Variants in SLC38A6 observed in about 807,000 individuals in gnomAD.
The protein encoded by SLC38A6 is solute carrier family 38 member 6, also known as N system amino acid transporter NAT-1.
In SLC38A6, 73 loss-of-function variants were observed where a neutral mutation model predicts 65.0. The observed-to-expected ratio is 1.12, with a 90% CI of 0.93 to 1.37. SLC38A6 has a LOEUF of 1.37. SLC38A6 is among the 40% of genes most tolerant of loss of function. The pLI is 0.00. For missense variants in SLC38A6, 561 were observed against 531.1 expected (o/e 1.06, Z -0.55); for synonymous variants, 183 against 178.8 (o/e 1.02, Z -0.19).
intron 7 of SLC38A6, 98 bp from the exon 8 acceptor site, chr14:61,037,527 C>A: frequency 1.3e-6 from 1 of 791,870 alleles, no homozygotes; most frequent in Non-Finnish European, 2.0e-6. Flanking sequence ...CAGATACCAA[C>A]CACTATAATA....
chr14:60,996,076 T>G (rs1267546758), intron 3 of SLC38A6, among the ~76,000 whole-genome samples: 1 of 152,230 alleles, frequency 6.6e-6, no homozygotes, highest in Non-Finnish European at 1.5e-5. Context: ...GTAACAAATG[T>G]ACCACTCTGG....
chr14:60,992,461 C>T (rs755293282), intron 3 of SLC38A6, among the ~76,000 whole-genome samples: 5 of 151,888 alleles, frequency 3.3e-5, no homozygotes, highest in African/African-American at 2.4e-5. Flanking sequence ...GTGTAGATCA[C>T]GCCATAACCC....
intron 15 of SLC38A6, among the ~76,000 whole-genome samples, chr14:61,063,857 A>G (rs1480354723): frequency 6.6e-6 from 1 of 152,220 alleles, no homozygotes; most frequent in Non-Finnish European, 1.5e-5. Context: ...GTTAATGCCT[A>G]TTATACAGGG....
At chr14:61,004,267 T>G (rs2038920546) in intron 3 of SLC38A6, among the ~76,000 whole-genome samples, 1 of 152,186 alleles carries the variant, frequency 6.6e-6, no homozygotes, top group South Asian at 2.1e-4. Context: ...TTCATTTTGT[T>G]GCATAAAAAT....
chr14:61,073,251 T>A (rs1289059942), intron 15 of SLC38A6, among the ~76,000 whole-genome samples: 2 of 152,222 alleles, frequency 1.3e-5, no homozygotes, highest in Non-Finnish European at 2.9e-5. Flanking sequence ...CCAATGGAGT[T>A]GTTTGAGTTC....
In SLC38A6 at chr14:60,982,552, A is replaced by C; in HGVS notation, c.150A>C (p.Ser50=). ...QRSPGVSFGL[S]VFNLMNAIMG... ...CCCCAGGTGTTTCATTTGGTTTATC[A>C]GTGTTTAATTTGATGAATGCCATCA... Residue 50 remains serine, a synonymous_variant, in exon 2 of 16, where the codon TCA becomes TCC. Coordinates refer to ENST00000267488, the MANE Select transcript of SLC38A6 (RefSeq NM_153811.3). 1 of 1,614,006 alleles carries C rather than the reference A, an allele frequency of 6.2e-7. No homozygotes were observed. Among genetic ancestry groups the C allele is most frequent in the South Asian group, 1.1e-5 (1 of 91,040 alleles).
intron 4 of SLC38A6, among the ~76,000 whole-genome samples, chr14:61,018,804 G>A (rs920732540): frequency 2.0e-5 from 3 of 152,048 alleles, no homozygotes; most frequent in African/African-American, 4.8e-5. Flanking sequence ...TACCAACTAA[G>A]CATCATTAAA....
chr14:61,004,261 T>C (rs1210096070), intron 3 of SLC38A6, among the ~76,000 whole-genome samples: 1 of 152,174 alleles, frequency 6.6e-6, no homozygotes, highest in African/African-American at 2.4e-5. Flanking sequence ...CTATACTTCA[T>C]TTTGTTGCAT....
chr14:61,018,548 G>A (rs913869694), intron 4 of SLC38A6, among the ~76,000 whole-genome samples: 1 of 152,140 alleles, frequency 6.6e-6, no homozygotes, highest in Admixed American at 6.5e-5. Context: ...CCCAATTCAT[G>A]TAGAACTGAA....
chr14:61,083,019 C>G (rs1300131220), intron 16 of SLC38A6, among the ~76,000 whole-genome samples: 1 of 152,220 alleles, frequency 6.6e-6, no homozygotes, highest in Non-Finnish European at 1.5e-5. Context: ...AAATCACCAT[C>G]ACTTCAGAGC....
intron 16 of SLC38A6, among the ~76,000 whole-genome samples, chr14:61,079,294 A>G (rs192912169): frequency 1.5e-4 from 23 of 150,932 alleles, no homozygotes; most frequent in South Asian, 4.2e-4. Context: ...ACACTACTAC[A>G]CCTAGCTAAT....
intron 3 of SLC38A6, among the ~76,000 whole-genome samples, chr14:61,012,644 C>T (rs2139497038): frequency 6.6e-6 from 1 of 152,244 alleles, no homozygotes; most frequent in African/African-American, 2.4e-5. Flanking sequence ...ATTATTTACC[C>T]AGTAGTCATT....
At chr14:61,011,660 C>T (rs1438218090) in intron 3 of SLC38A6, among the ~76,000 whole-genome samples, 2 of 152,066 alleles carry the variant, frequency 1.3e-5, no homozygotes, top group East Asian at 1.9e-4. Context: ...TTGTCTTTGG[C>T]TCTGTTTATA....
intron 4 of SLC38A6, among the ~76,000 whole-genome samples, chr14:61,017,856 A>G (rs1365619469): frequency 6.6e-6 from 1 of 152,222 alleles, no homozygotes; most frequent in Non-Finnish European, 1.5e-5. Flanking sequence ...AATTTTCTCC[A>G]CACTTCCACA....
intron 5 of SLC38A6, among the ~76,000 whole-genome samples, chr14:61,023,560 CA>C (rs974410806): frequency 1.7e-4 from 8 of 47,548 alleles, no homozygotes; most frequent in African/African-American, 6.1e-4. Context: ...GCAACTGTCT[CA>C]AAAATAATAA....
intron 8 of SLC38A6, among the ~76,000 whole-genome samples, chr14:61,040,564 C>A (rs151176060): frequency 6.6e-6 from 1 of 152,264 alleles, no homozygotes; most frequent in Non-Finnish European, 1.5e-5. Context: ...TGGTCTCGAT[C>A]TCCAGACCTC....
At chr14:61,050,930 C>G (rs2042473186) in intron 13 of SLC38A6, among the ~76,000 whole-genome samples, 1 of 152,002 alleles carries the variant, frequency 6.6e-6, no homozygotes, top group Admixed American at 6.6e-5. Flanking sequence ...GTTTTTCCCC[C>G]CTTTAATTCT....
chr14:61,044,650 C>T (rs1343003979), intron 10 of SLC38A6, among the ~76,000 whole-genome samples: 1 of 152,100 alleles, frequency 6.6e-6, no homozygotes, highest in African/African-American at 2.4e-5. Context: ...AGATCACCAT[C>T]GTCTATTTGG....
chr14:61,063,743 G>A (rs1304444406), intron 15 of SLC38A6, among the ~76,000 whole-genome samples: 1 of 152,102 alleles, frequency 6.6e-6, no homozygotes, highest in Non-Finnish European at 1.5e-5. Context: ...TAGTGTAATG[G>A]TAAAAGACCA....
Sources: allele counts gnomAD v4.1 joint callset (sites outside exome capture counted in the v4.1 genomes callset), GRCh38; gene constraint gnomAD v4.1.1; transcripts MANE v1.5; gene names NCBI Gene and HGNC (gene_info 2026-07-23, HGNC 2026-07-21).